FAT4: variants seen among roughly 807,000 people sequenced by gnomAD.
The protein encoded by FAT4 is FAT atypical cadherin 4, also known as protocadherin Fat 4.
Under a neutral mutation model 303.9 loss-of-function variants are expected in FAT4, and 84 were observed. The ratio of observed to expected loss-of-function variants is 0.28; its 90% CI spans 0.23 to 0.33. The LOEUF is 0.33. FAT4 is among the 10% of genes least tolerant of loss of function. FAT4 has a pLI of 1.00. For synonymous variants in FAT4, 2,307 were observed against 2,298.8 expected (o/e 1.00, Z -0.10); for missense variants, 6,005 against 6,146.8 (o/e 0.98, Z 0.77).
chr4:125,349,604 G>C (rs1241860522), intron 2 of FAT4, among the ~76,000 whole-genome samples: 1 of 151,660 alleles, frequency 6.6e-6, no homozygotes, highest in Admixed American at 6.6e-5. Flanking sequence ...CAGCCAAATA[G>C]CACAAGTGAA....
chr4:125,366,008 G>A (rs868110624), intron 2 of FAT4, among the ~76,000 whole-genome samples: 92 of 152,158 alleles, frequency 6.0e-4, no homozygotes, highest in South Asian at 2.3e-3. Flanking sequence ...TCGTGGGAGC[G>A]TGAACCCTAT....
chr4:125,468,562 T>C lies in FAT4; in HGVS notation c.11956T>C (p.Ser3986Pro), dbSNP rs1578680101. The C allele has an allele frequency of 6.2e-7, 1 of 1,613,792 alleles. No individual in the cohort carries two copies. Residue 3986 changes from serine (S) to proline (P), a missense_variant, in exon 12 of 18, where the codon TCA becomes CCA. Physicochemically the swap from Ser to Pro is moderately conservative, Grantham distance 74. Transcript: ENST00000394329. ...GAACAGTTATGGATTTGAGGAGTTA[T>C]CATACATGGAATTTCCAAGCTTGGA... is the stretch of plus-strand genomic sequence containing the variant. ...ELNSYGFEELSYMEFPSLDPN... is the reference protein window; with the variant it reads ...ELNSYGFEELPYMEFPSLDPN...
At chr4:125,454,438 G>A (rs1401247691) in intron 10 of FAT4, among the ~76,000 whole-genome samples, 3 of 152,216 alleles carry the variant, frequency 2.0e-5, no homozygotes, top group African/African-American at 7.2e-5. Flanking sequence ...CTTTTGGGAA[G>A]TCACCTAACC....
At position 125,456,064 on chromosome 4, in the gene FAT4, A is replaced by G. The variant is rs192238214; in HGVS notation, c.11800+3254A>G. ...GGTTCCTGCTTTGCTTTTACCATTC[A>G]GATATCATCACAGTCTTTTTTGCTG... On this transcript the variant is annotated intron_variant, in intron 10 of 17. Coordinates refer to ENST00000394329, the MANE Select transcript of FAT4 (RefSeq NM_001291303.3). Among the ~76,000 whole-genome samples the G allele has an allele frequency of 2.6e-3, 394 of 152,316 alleles. 2 individuals are homozygous for G. The highest frequency in any genetic ancestry group is 4.6e-3 in the Non-Finnish European group (310 of 68,028).
rs1292438697 is a variant in FAT4 at position 125,316,952 on chromosome 4, G to A, written c.541G>A (p.Glu181Lys). 1 of 1,613,844 alleles carries A rather than the reference G, an allele frequency of 6.2e-7. No homozygotes were observed. Among genetic ancestry groups the A allele is most frequent in the Non-Finnish European group, 8.5e-7 (1 of 1,180,054 alleles). Residue 181 changes from glutamate (E) to lysine (K), a missense_variant, in exon 2 of 18, where the codon GAG (glutamate) becomes AAG (lysine). Physicochemically the swap from Glu to Lys is moderately conservative, Grantham distance 56. Transcript: ENST00000394329. The surrounding 1 kb of genome is among the most constrained non-coding windows in gnomAD (Gnocchi z 5.7). Reference protein sequence around the residue: ...HRSYRIIRGNEAGRFRLDITL... With the variant: ...HRSYRIIRGNKAGRFRLDITL... ...CTCCTACCGCATCATCCGCGGCAATGAGGCGGGGCGCTTCCGTCTGGACAT... is the reference window on the plus strand; with the variant it reads ...CTCCTACCGCATCATCCGCGGCAATAAGGCGGGGCGCTTCCGTCTGGACAT...
At chr4:125,388,988 G>T (rs971547981) in intron 2 of FAT4, among the ~76,000 whole-genome samples, 2 of 152,232 alleles carry the variant, frequency 1.3e-5, no homozygotes, top group Admixed American at 1.3e-4. Context: ...AGTGGTGAGA[G>T]ATTAATGTAA....
At chr4:125,479,648 A>G (rs887563844) in intron 14 of FAT4, 93 bp from the exon 15 acceptor site, 1 of 1,236,854 alleles carries the variant, frequency 8.1e-7, no homozygotes, top group Non-Finnish European at 1.1e-6. Context: ...GAGTGCTTGA[A>G]ATTAAACAAG....
intron 2 of FAT4, among the ~76,000 whole-genome samples, chr4:125,389,687 A>AT (rs544001876): frequency 2.9e-4 from 44 of 152,084 alleles, no homozygotes; most frequent in African/African-American, 9.9e-4. Flanking sequence ...GATTTCTCCC[A>AT]TTTTTTTCAC....
chr4:125,370,588 A>C (rs576824473), intron 2 of FAT4, among the ~76,000 whole-genome samples: 62 of 152,336 alleles, frequency 4.1e-4, no homozygotes, highest in African/African-American at 1.4e-3. Context: ...ACAGTCACTA[A>C]AAAATAAATG....
At chr4:125,357,626 A>G (rs1392312444) in intron 2 of FAT4, among the ~76,000 whole-genome samples, 1 of 152,174 alleles carries the variant, frequency 6.6e-6, no homozygotes, top group Non-Finnish European at 1.5e-5. Flanking sequence ...TATGGATTTT[A>G]CTGCTTTCAC....
chr4:125,490,050 T>G lies in FAT4; in HGVS notation c.13234T>G (p.Trp4412Gly), dbSNP rs1172794109. 1 of 1,614,020 alleles carries G rather than the reference T, an allele frequency of 6.2e-7. No individual in the cohort carries two copies. Among genetic ancestry groups the G allele is most frequent in the Non-Finnish European group, 8.5e-7 (1 of 1,179,982 alleles). ...GAACATTTGTGCCAGCAACCCCTGC[T>G]GGGGTGATTTGCTGTGCATTAATCA... ...GPNICASNPC[W>G]GDLLCINQWY... is the part of the protein sequence containing the mutation. Residue 4412 changes from tryptophan to glycine, a missense_variant, in exon 18 of 18, where the codon TGG becomes GGG. By Grantham distance (184) the Trp-to-Gly change is radical (BLOSUM62 -2). Coordinates refer to ENST00000394329, the MANE Select transcript of FAT4 (RefSeq NM_001291303.3).
chr4:125,407,457 G>A (rs1033499845), intron 4 of FAT4, among the ~76,000 whole-genome samples: 2 of 135,562 alleles, frequency 1.5e-5, no homozygotes, highest in African/African-American at 2.8e-5. Context: ...GTGATTTGGG[G>A]GCTATGTATA....
intron 7 of FAT4, among the ~76,000 whole-genome samples, chr4:125,425,710 T>C (rs1578629359): frequency 1.3e-5 from 2 of 152,212 alleles, no homozygotes; most frequent in East Asian, 1.9e-4. Context: ...TATGTTTGCA[T>C]TGAATTTGGG....
chr4:125,487,252 G>A (rs2126092581), intron 16 of FAT4, 93 bp from the exon 17 acceptor site: 1 of 1,148,374 alleles, frequency 8.7e-7, no homozygotes, highest in Non-Finnish European at 1.2e-6. Flanking sequence ...TATCTGCTGT[G>A]GACTGGTCAA....
chr4:125,450,091 T>A lies in FAT4; in HGVS notation c.9081T>A (p.Asn3027Lys), dbSNP rs200374687. ...CAGAAGTGGAGTATTTCATTTCTAA[T>A]GATAACCATTTAGGAAAATTTAAGT... ...LNSEVEYFIS[N>K]DNHLGKFKLD... Residue 3027 changes from asparagine to lysine, a missense_variant, in exon 10 of 18, where the codon AAT becomes AAA. Physicochemically the swap from Asn to Lys is moderately conservative, Grantham distance 94. Transcript: ENST00000394329. 4 of 1,613,648 alleles carry A rather than the reference T, an allele frequency of 2.5e-6. No homozygotes were observed. Among genetic ancestry groups the A allele is most frequent in the African/African-American group, 1.3e-5 (1 of 74,924 alleles).
chr4:125,345,325 CT>C (rs1222543177), intron 2 of FAT4, among the ~76,000 whole-genome samples: 1 of 151,708 alleles, frequency 6.6e-6, no homozygotes, highest in Non-Finnish European at 1.5e-5. Context: ...CTAAGATTGC[CT>C]TTTTTGTGTT....
rs1734650117 is a variant in FAT4, at chr4:125,407,141, G to T, written c.5569G>T (p.Gly1857Cys). 1.2e-6 allele frequency: 2 copies of T among 1,608,200 alleles called. No homozygotes were observed. Among genetic ancestry groups the T allele is most frequent in the Non-Finnish European group, 1.7e-6 (2 of 1,175,390 alleles). ...SFDIPEDTIP[G>C]SLVAAILATD... ...TGACATTCCTGAGGACACAATCCCT[G>T]GTAGGTGATGGGTCTCTTATGTGTA... Residue 1857 changes from glycine (G) to cysteine (C), a missense_variant and splice_region_variant, in exon 4 of 18, where the codon GGT (glycine) becomes TGT (cysteine). Coordinates refer to ENST00000394329, the MANE Select transcript of FAT4 (RefSeq NM_001291303.3).
In FAT4 at chr4:125,317,387, A is replaced by T; in HGVS notation, c.976A>T (p.Met326Leu). 1 of 1,613,466 alleles carries T rather than the reference A, an allele frequency of 6.2e-7. No individual in the cohort carries two copies. The highest frequency in any genetic ancestry group is 8.5e-7 in the Non-Finnish European group (1 of 1,180,030). Residue 326 changes from methionine to leucine, a missense_variant, in exon 2 of 18, where the codon ATG (methionine) becomes TTG (leucine). Transcript: ENST00000394329. This position sits in a 1 kb window ranked among gnomAD's most constrained non-coding sequence, Gnocchi z 7.0. Reference protein sequence around the residue: ...RRQYSLTVQAMDRGVPSLTGR... With the variant: ...RRQYSLTVQALDRGVPSLTGR... ...CCAATACTCGCTTACGGTGCAGGCG[A>T]TGGACAGAGGCGTGCCTTCCCTCAC...
intron 5 of FAT4, among the ~76,000 whole-genome samples, chr4:125,412,018 T>C (rs1279570567): frequency 6.6e-6 from 1 of 151,668 alleles, no homozygotes; most frequent in Non-Finnish European, 1.5e-5. Context: ...GCCCACTAAA[T>C]TTAAATTGCA....
Sources: allele counts gnomAD v4.1 joint callset (sites outside exome capture counted in the v4.1 genomes callset), GRCh38; gene constraint gnomAD v4.1.1; non-coding constraint Gnocchi (gnomAD v3.1); transcripts MANE v1.5; gene names NCBI Gene and HGNC (gene_info 2026-07-23, HGNC 2026-07-21).